The following SLC12A2 variants were observed in gnomAD, a reference collection of about 807,000 sequenced individuals.
SLC12A2 encodes Na-K-2Cl cotransporter 1.
A neutral mutation model predicts 136.3 loss-of-function variants in SLC12A2; 67 were observed. That is an observed-to-expected ratio of 0.49 (90% CI 0.40 to 0.60). SLC12A2 has a LOEUF of 0.60. Ranked by LOEUF, SLC12A2 falls within the 20% of genes least tolerant of loss-of-function variation. The pLI, the probability that SLC12A2 is intolerant of heterozygous loss-of-function variation, is 0.00. For synonymous variants in SLC12A2, 619 were observed against 562.9 expected, an observed-to-expected ratio of 1.10 and a Z score of -1.41; for missense variants, 1,322 against 1,534.7, an observed-to-expected ratio of 0.86 and a Z score of 2.32.
At chr5:128,136,542 C>G (rs887654958) in intron 7 of SLC12A2, among the ~76,000 whole-genome samples, 6 of 152,110 alleles carry the variant, frequency 3.9e-5, no homozygotes, top group African/African-American at 1.4e-4. Flanking sequence ...TCCTTAACCC[C>G]TCTCACATCT....
rs183975417 is a variant in SLC12A2 at position 128,184,246 on chromosome 5, G to A, written c.3300-120G>A. On this transcript the variant is annotated intron_variant, in intron 24 of 26. Coordinates refer to ENST00000262461, the MANE Select transcript of SLC12A2 (RefSeq NM_001046.3). ...AAACTGATTATTATGGTTGGGGTAT[G>A]GAGAGGAGCGTAATAAATGAGAGGC... 351 of 611,248 alleles carry A rather than the reference G, an allele frequency of 5.7e-4. No individual in the cohort carries two copies. The African/African-American group carries it at 6.2e-3, about 11-fold the overall frequency. The allele number at this position is 611,248 out of a possible 1,614,324, so 37.9% of individuals were successfully genotyped here.
At chr5:128,117,185 CT>C (rs1761381384) in intron 4 of SLC12A2, among the ~76,000 whole-genome samples, 1 of 152,122 alleles carries the variant, frequency 6.6e-6, no homozygotes, top group African/African-American at 2.4e-5. Context: ...AGGAAATGAG[CT>C]TAGACACCTT....
At chr5:128,118,772 A>G (rs1159136439) in intron 4 of SLC12A2, among the ~76,000 whole-genome samples, 2 of 152,208 alleles carry the variant, frequency 1.3e-5, no homozygotes, top group Admixed American at 1.3e-4. Flanking sequence ...TTACTTGATA[A>G]GAATACCTGT....
rs1206093526 is a variant in SLC12A2, at chr5:128,182,899, T to C, written c.3257T>C (p.Ile1086Thr). 5 of 1,611,698 alleles carry C rather than the reference T, an allele frequency of 3.1e-6. No individual in the cohort carries two copies. The highest frequency in any genetic ancestry group is 3.4e-6 in the Non-Finnish European group (4 of 1,178,588). The change falls in exon 24 of 27, where the codon ATC becomes ACC. Residue 1086 changes from isoleucine to threonine, a missense_variant. Physicochemically the swap from Ile to Thr is moderately conservative, Grantham distance 89. Coordinates refer to ENST00000262461, the MANE Select transcript of SLC12A2 (RefSeq NM_001046.3). ...LSKFRIDFSDIMVLGDINTKP... is the reference protein window; with the variant it reads ...LSKFRIDFSDTMVLGDINTKP... Reference sequence around the variant, plus strand: ...AAGTTCCGGATAGACTTTTCTGATATCATGGTTCTAGGAGATATCAATACC... The same window carrying C: ...AAGTTCCGGATAGACTTTTCTGATACCATGGTTCTAGGAGATATCAATACC...
chr5:128,089,137 C>T (rs1206467671), intron 1 of SLC12A2, among the ~76,000 whole-genome samples: 1 of 148,430 alleles, frequency 6.7e-6, no homozygotes, highest in Non-Finnish European at 1.5e-5. Context: ...CATTGCACTC[C>T]AGCCTGGGCA....
intron 1 of SLC12A2, chr5:128,109,846 C>T: frequency 1.3e-6 from 1 of 786,624 alleles, no homozygotes; most frequent in Admixed American, 1.7e-5. Context: ...AAGATGTGGC[C>T]AAATCCCCAT....
chr5:128,118,627 G>A (rs1365667898), intron 4 of SLC12A2, among the ~76,000 whole-genome samples: 1 of 152,142 alleles, frequency 6.6e-6, no homozygotes, highest in African/African-American at 2.4e-5. Context: ...TGGGTATAGT[G>A]TATGCTGCTT....
chr5:128,087,284 A>G (rs1760137774), intron 1 of SLC12A2, among the ~76,000 whole-genome samples: 1 of 152,244 alleles, frequency 6.6e-6, no homozygotes, highest in Admixed American at 6.5e-5. Flanking sequence ...TGTTGACAAC[A>G]TGCTTGTGAC....
chr5:128,103,404 G>T (rs1222742783), intron 1 of SLC12A2, among the ~76,000 whole-genome samples: 1 of 152,174 alleles, frequency 6.6e-6, no homozygotes, highest in Non-Finnish European at 1.5e-5. Flanking sequence ...CTTGAGAACA[G>T]ACACTCATTT....
intron 1 of SLC12A2, among the ~76,000 whole-genome samples, chr5:128,100,336 G>T (rs1325380888): frequency 6.6e-6 from 1 of 152,096 alleles, no homozygotes; most frequent in Non-Finnish European, 1.5e-5. Flanking sequence ...ATGAAAAATG[G>T]GAAAGGTGAC....
chr5:128,163,955 A>G (rs749447519), intron 17 of SLC12A2, among the ~76,000 whole-genome samples: 5 of 152,194 alleles, frequency 3.3e-5, no homozygotes, highest in Non-Finnish European at 7.4e-5. Context: ...AGAATGCTAC[A>G]CTGGGTCATA....
rs1386793713 is a variant in SLC12A2, at chr5:128,152,752, A to T, written c.2310A>T (p.Ala770=). The change falls in exon 15 of 27, where the codon GCA becomes GCT. Residue 770 remains alanine (A), a synonymous_variant. Coordinates refer to ENST00000262461, the MANE Select transcript of SLC12A2 (RefSeq NM_001046.3). ...SSTQALTYLN[A]LQHSIRLSGV... ...CACAAGCCCTGACTTACCTGAATGC[A>T]CTGCAGCATTCAATTCGTCTTTCTG... 6.2e-7 allele frequency: 1 copy of T among 1,613,594 alleles called. No individual in the cohort carries two copies. The highest frequency in any genetic ancestry group is 8.5e-7 in the Non-Finnish European group (1 of 1,179,524).
chr5:128,169,016 T>G (rs962625710), intron 18 of SLC12A2: 1 of 152,222 alleles, frequency 6.6e-6, no homozygotes, highest in Non-Finnish European at 1.5e-5. Context: ...TTAATAACAA[T>G]AAAACTTTTT....
At chr5:128,108,018 T>A (rs968342340) in intron 1 of SLC12A2, among the ~76,000 whole-genome samples, 13 of 152,140 alleles carry the variant, frequency 8.5e-5, no homozygotes, top group Admixed American at 3.3e-4. Context: ...TGATTTGCAT[T>A]TCTCTAATGA....
intron 9 of SLC12A2, 133 bp downstream of exon 9, chr5:128,139,041 T>A (rs1156375911): frequency 3.1e-6 from 2 of 654,464 alleles, no homozygotes; most frequent in Non-Finnish European, 5.1e-6. Context: ...GAGTTGCTCA[T>A]TATAATTCAA....
chr5:128,085,325 G>T (rs1760060868), intron 1 of SLC12A2, among the ~76,000 whole-genome samples: 1 of 151,494 alleles, frequency 6.6e-6, no homozygotes, highest in South Asian at 2.1e-4. Flanking sequence ...CGATGAAAAC[G>T]TTTTGGGAGA....
chr5:128,147,149 A>C (rs1450796511), intron 10 of SLC12A2, among the ~76,000 whole-genome samples: 3 of 146,578 alleles, frequency 2.0e-5, no homozygotes, highest in Admixed American at 6.9e-5. Context: ...AGGACAATTT[A>C]GGGAATTTGA....
chr5:128,155,580 C>G (rs1318394573), intron 15 of SLC12A2, among the ~76,000 whole-genome samples: 1 of 152,178 alleles, frequency 6.6e-6, no homozygotes, highest in African/African-American at 2.4e-5. Context: ...CTGTATTCAT[C>G]ACTGTCTTAA....
chr5:128,135,412 T>C (rs930206630), intron 6 of SLC12A2, among the ~76,000 whole-genome samples: 20 of 152,058 alleles, frequency 1.3e-4, no homozygotes, highest in African/African-American at 4.6e-4. Context: ...TTTACAGTGC[T>C]TTATGGTTTG....
Sources: gnomAD v4.1 joint callset for allele counts (sites outside exome capture counted in the v4.1 genomes callset) on GRCh38, gnomAD v4.1.1 for gene constraint, MANE v1.5 for transcripts, NCBI Gene and HGNC (gene_info 2026-07-23, HGNC 2026-07-21) for gene names.